NAA35: variants seen among roughly 807,000 people sequenced by gnomAD.
NAA35 encodes N-alpha-acetyltransferase 35, NatC auxiliary subunit.
Under a neutral mutation model 101.7 loss-of-function variants are expected in NAA35, and 18 were observed. The observed-to-expected ratio is 0.18, with a 90% CI of 0.12 to 0.26. The LOEUF (loss-of-function observed/expected upper bound fraction) is 0.26, where lower values mean the gene tolerates loss of function less well. Ranked by LOEUF, NAA35 falls within the 10% of genes least tolerant of loss-of-function variation. NAA35 has a pLI of 1.00. For synonymous variants in NAA35, 267 were observed against 273.1 expected, an observed-to-expected ratio of 0.98 and a Z score of 0.22; for missense variants, 601 against 886.8, an observed-to-expected ratio of 0.68 and a Z score of 4.09.
rs752722386 is a variant in NAA35, at chr9:85,958,500, A to G, written c.187A>G (p.Ile63Val). Residue 63 changes from isoleucine (I) to valine (V), a missense_variant, in exon 4 of 23, where the codon ATT (isoleucine) becomes GTT (valine). Ile to Val is a conservative substitution (Grantham distance 29, BLOSUM62 3). Transcript: ENST00000361671. Reference protein sequence around the residue: ...LFGLFEAMSAIEMMDPKMDAG... With the variant: ...LFGLFEAMSAVEMMDPKMDAG... ...TGGTCTTTTTGAAGCCATGTCTGCT[A>G]TTGAAATGATGGATCCCAAGATGGA... The G allele has an allele frequency of 1.1e-5, 18 of 1,609,382 alleles. 1 individual carries two copies. Among genetic ancestry groups the G allele is most frequent in the East Asian group, 2.2e-5 (1 of 44,750 alleles).
At chr9:85,994,339 G>A (rs535940712) in intron 11 of NAA35, among the ~76,000 whole-genome samples, 1 of 152,082 alleles carries the variant, frequency 6.6e-6, no homozygotes, top group Non-Finnish European at 1.5e-5. Flanking sequence ...AAACCCTCAC[G>A]GCCATTATTC....
intron 5 of NAA35, among the ~76,000 whole-genome samples, chr9:85,961,007 T>A (rs1403013203): frequency 6.6e-6 from 1 of 151,480 alleles, no homozygotes; most frequent in Non-Finnish European, 1.5e-5. Context: ...GTAGGAGGAG[T>A]GTGGGATTAG....
chr9:85,994,273 G>C (rs1229251437), intron 11 of NAA35, among the ~76,000 whole-genome samples: 1 of 152,070 alleles, frequency 6.6e-6, no homozygotes, highest in Non-Finnish European at 1.5e-5. Context: ...AGAACTTTAT[G>C]TTCTAAACTG....
chr9:85,955,393 C>T lies in NAA35; in HGVS notation c.125-967C>T, dbSNP rs372769967. On this transcript the variant is annotated intron_variant, in intron 2 of 22. Coordinates refer to ENST00000361671, the MANE Select transcript of NAA35 (RefSeq NM_024635.4). ...TTTTTTTTTTCTTCAGACAGAGTCTCGCTCTGTTGCCCAGGCTGGAGTGCA... is the reference window on the plus strand; with the variant it reads ...TTTTTTTTTTCTTCAGACAGAGTCTTGCTCTGTTGCCCAGGCTGGAGTGCA... Among the ~76,000 whole-genome samples, 773 of 119,620 alleles carry T rather than the reference C, an allele frequency of 6.5e-3. 5 individuals are homozygous for T. The highest frequency in any genetic ancestry group is 0.022 in the African/African-American group (661 of 29,638). The allele number at this position is 119,620 out of a possible 152,430, so 78.5% of individuals were successfully genotyped here. A position where few individuals can be genotyped will look rare whatever the true frequency, so the allele number is the denominator to read the frequency against.
chr9:85,960,067 GA>G (rs965821781), intron 5 of NAA35, among the ~76,000 whole-genome samples, 200 bp downstream of exon 5: 1 of 152,204 alleles, frequency 6.6e-6, no homozygotes, highest in Non-Finnish European at 1.5e-5. Context: ...TTTTCTGGGT[GA>G]AGGGATATTT....
chr9:85,977,536 G>A, intron 10 of NAA35, 90 bp downstream of exon 10: 2 of 839,970 alleles, frequency 2.4e-6, no homozygotes, highest in Non-Finnish European at 4.0e-6. Context: ...CTCCCTTGAA[G>A]TGCTCCTGAT....
chr9:85,963,021 CT>C (rs1213886935), intron 6 of NAA35, among the ~76,000 whole-genome samples: 1 of 151,686 alleles, frequency 6.6e-6, no homozygotes, highest in East Asian at 1.9e-4. Flanking sequence ...CAACCTAGGA[CT>C]ACAAAAAAAA....
At chr9:85,962,490 C>CAAAAAAAAAAAAAA (rs781302881) in intron 6 of NAA35, among the ~76,000 whole-genome samples, 3 of 85,914 alleles carry the variant, frequency 3.5e-5, no homozygotes, top group Admixed American at 1.5e-4. Context: ...GACTCTGTCT[C>CAAAAAAAAAAAAAA]AAAAAAAAAA....
chr9:85,995,548 G>A (rs1421788605), intron 11 of NAA35, among the ~76,000 whole-genome samples: 1 of 152,000 alleles, frequency 6.6e-6, no homozygotes, highest in Non-Finnish European at 1.5e-5. Flanking sequence ...TATCTCAGGG[G>A]CATTATAATA....
intron 11 of NAA35, among the ~76,000 whole-genome samples, chr9:85,995,578 T>C (rs1018350133): frequency 1.7e-4 from 26 of 152,302 alleles, no homozygotes; most frequent in Admixed American, 7.2e-4. Context: ...GTCTTGCTTT[T>C]AATTCTTAAT....
rs1034545576 is a variant in NAA35, at chr9:86,023,274, T to C, written c.*1314T>C. Among the ~76,000 whole-genome samples the C allele has an allele frequency of 1.3e-5, 2 of 152,172 alleles. No individual in the cohort carries two copies. Among genetic ancestry groups the C allele is most frequent in the Admixed American group, 6.5e-5 (1 of 15,278 alleles). On this transcript the variant is annotated 3_prime_UTR_variant, in exon 23 of 23. Transcript: ENST00000361671. Reference sequence around the variant, plus strand: ...ATTATTTTTTAAGTAGCCTGTACAATAGAAACTTCAATTATGGAGAGACAA... The same window carrying C: ...ATTATTTTTTAAGTAGCCTGTACAACAGAAACTTCAATTATGGAGAGACAA...
At position 86,018,181 on chromosome 9, in the gene NAA35, T is replaced by A. The variant is rs1832326633; in HGVS notation, c.1774-74T>A. The A allele has an allele frequency of 3.0e-6, 4 of 1,352,866 alleles. No individual in the cohort carries two copies. In the Admixed American group the frequency reaches 8.8e-5, roughly 30 times the overall value. 83.8% of individuals were successfully genotyped at this position (1,352,866 alleles called of 1,614,324 possible). A position where few individuals can be genotyped will look rare whatever the true frequency, so the allele number is the denominator to read the frequency against. ...GGTTTTAAATAGCTGTTTCTTGTCT[T>A]CCATTCTGTATTGATGAGTGTTCAC... On this transcript the variant is annotated intron_variant, in intron 19 of 22. Coordinates refer to ENST00000361671, the MANE Select transcript of NAA35 (RefSeq NM_024635.4).
intron 12 of NAA35, among the ~76,000 whole-genome samples, chr9:85,997,924 G>C (rs1387373878): frequency 6.6e-6 from 1 of 151,400 alleles, no homozygotes; most frequent in Non-Finnish European, 1.5e-5. Flanking sequence ...TTTTTTGTTT[G>C]TTTGTTTTGA....
At chr9:85,994,743 A>G (rs1373763125) in intron 11 of NAA35, among the ~76,000 whole-genome samples, 1 of 152,040 alleles carries the variant, frequency 6.6e-6, no homozygotes, top group Non-Finnish European at 1.5e-5. Flanking sequence ...ATCCGGGGGG[A>G]AGGGGAAGGT....
intron 13 of NAA35, among the ~76,000 whole-genome samples, chr9:86,007,094 T>A (rs567670259): frequency 1.2e-4 from 18 of 152,220 alleles, no homozygotes; most frequent in Non-Finnish European, 2.4e-4. Context: ...ATAATCAGAT[T>A]AGTCAGTTTA....
intron 17 of NAA35, chr9:86,015,599 A>G: frequency 2.5e-6 from 1 of 400,918 alleles, no homozygotes; most frequent in Non-Finnish European, 3.4e-6. Flanking sequence ...ACTGGTTCTC[A>G]GGTGAACTGC....
At chr9:85,948,514 G>C (rs1478215353) in intron 2 of NAA35, among the ~76,000 whole-genome samples, 4 of 152,108 alleles carry the variant, frequency 2.6e-5, no homozygotes, top group African/African-American at 7.2e-5. Flanking sequence ...TCATCAGCCT[G>C]GGGTGTCTTT....
At position 85,958,560 on chromosome 9, in the gene NAA35, G is replaced by A. The variant is rs1219644995; in HGVS notation, c.247G>A (p.Val83Ile). 1 of 1,610,604 alleles carries A rather than the reference G, an allele frequency of 6.2e-7. No homozygotes were observed. Among genetic ancestry groups the A allele is most frequent in the Admixed American group, 1.7e-5 (1 of 59,652 alleles). ...GATTGGAAACCAAGTTAATCGAAAA[G>A]TTCTCAATTTTGAACAAGCTATCAA... Reference protein sequence around the residue: ...GMIGNQVNRKVLNFEQAIKDG... With the variant: ...GMIGNQVNRKILNFEQAIKDG... Residue 83 changes from valine (V) to isoleucine (I), a missense_variant, in exon 4 of 23, where the codon GTT becomes ATT. By Grantham distance (29) the Val-to-Ile change is conservative. Coordinates refer to ENST00000361671, the MANE Select transcript of NAA35 (RefSeq NM_024635.4).
intron 1 of NAA35, chr9:85,941,581 G>A (rs985769476): frequency 1.2e-5 from 12 of 986,002 alleles, no homozygotes; most frequent in Admixed American, 6.1e-5. Flanking sequence ...GGGCAGGGCG[G>A]AAGGGAAGCG....
Sources: gnomAD v4.1 joint callset for allele counts (sites outside exome capture counted in the v4.1 genomes callset) on GRCh38, gnomAD v4.1.1 for gene constraint, MANE v1.5 for transcripts, NCBI Gene and HGNC (gene_info 2026-07-23, HGNC 2026-07-21) for gene names.